Variants in PDLIM2 observed in about 807,000 individuals in gnomAD.
PDLIM2 encodes the protein PDZ and LIM domain protein 2.
In PDLIM2, 51 loss-of-function variants were observed where a neutral mutation model predicts 54.1. That is an observed-to-expected ratio of 0.94 (90% CI 0.75 to 1.19). The LOEUF is 1.19. Among genes scored for constraint, PDLIM2 ranks in the 50% most tolerant of loss-of-function variants. PDLIM2 has a pLI of 0.00. For missense variants in PDLIM2, 912 were observed against 874.0 expected (o/e 1.04, Z -0.55); for synonymous variants, 398 against 385.6 (o/e 1.03, Z -0.38).
downstream of PDLIM2, chr8:22,596,415 G>C (rs11136091): frequency 0.04 from 6,090 of 152,316 alleles, 185 homozygotes; most frequent in Non-Finnish European, 0.054. Flanking sequence ...CACACAATCA[G>C]CCCGGCTCGG....
chr8:22,589,872 A>G, intron 8 of PDLIM2, 131 bp downstream of exon 7: 1 of 1,308,106 alleles, frequency 7.6e-7, no homozygotes, highest in South Asian at 1.5e-5. Context: ...CACGGAGCCG[A>G]GCAGAGCGCG....
At position 22,591,535 on chromosome 8, in the gene PDLIM2, T is replaced by C. The variant is rs777262069; in HGVS notation, c.1514-16T>C. The stretch of plus-strand genomic sequence containing the variant: ...TTGGTGGGCTCTCACCACATGTCTG[T>C]CTGCCCTGCCCCCAGGTGGCACGCC... On this transcript the variant is annotated splice_polypyrimidine_tract_variant and intron_variant, in intron 8 of 9. Coordinates refer to ENST00000308354, the Ensembl canonical transcript of PDLIM2. The C allele has an allele frequency of 6.2e-7, 1 of 1,609,950 alleles. No individual in the cohort carries two copies. Among genetic ancestry groups the C allele is most frequent in the African/African-American group, 1.3e-5 (1 of 74,786 alleles).
intron 3 of PDLIM2, among the ~76,000 whole-genome samples, chr8:22,583,123 G>A (rs1383495513): frequency 1.3e-5 from 2 of 152,054 alleles, no homozygotes; most frequent in Non-Finnish European, 2.9e-5. Context: ...AAGATGGGAC[G>A]AGGCAGGCTG....
chr8:22,583,626 C>A (rs1353497885), intron 3 of PDLIM2, among the ~76,000 whole-genome samples: 2 of 151,890 alleles, frequency 1.3e-5, no homozygotes, highest in Non-Finnish European at 2.9e-5. Flanking sequence ...ATTAGCCGGG[C>A]ATGCTAGTGG....
exon 1 of PDLIM2, chr8:22,579,180 C>A: frequency 7.3e-7 from 1 of 1,368,130 alleles, no homozygotes; most frequent in Non-Finnish European, 9.4e-7. Flanking sequence ...GCCTTCCCTC[C>A]CTCCCGGGCC....
intron 8 of PDLIM2, chr8:22,590,982 AG>A: frequency 6.2e-6 from 1 of 160,342 alleles, no homozygotes; most frequent in Non-Finnish European, 1.4e-5. Context: ...GCAGAGGCAC[AG>A]GGGGTGGGGT....
downstream of PDLIM2, chr8:22,596,267 T>A (rs1184598216): frequency 2.0e-5 from 3 of 152,224 alleles, no homozygotes; most frequent in Non-Finnish European, 4.4e-5. Context: ...ATGATGGGCA[T>A]TCCAGTGAGG....
intron 2 of PDLIM2, 163 bp from the exon 2 acceptor site, chr8:22,581,216 G>T: frequency 1.1e-6 from 1 of 881,154 alleles, no homozygotes; most frequent in Non-Finnish European, 1.7e-6. Context: ...GCTCCTGGAG[G>T]GGATGGCTGA....
chr8:22,591,113 C>T (rs182884879), intron 8 of PDLIM2: 24 of 220,168 alleles, frequency 1.1e-4, no homozygotes, highest in African/African-American at 1.4e-4. Flanking sequence ...TAGCTGCAGA[C>T]GGGCGACAGC....
intron 2 of PDLIM2, chr8:22,581,156 C>A (rs1289456472): frequency 1.8e-5 from 12 of 660,872 alleles, no homozygotes; most frequent in Non-Finnish European, 3.3e-5. Flanking sequence ...ACTGCACATT[C>A]TTTGGGAGGC....
In PDLIM2 at chr8:22,589,870, C is replaced by A. The variant is rs546931469; in HGVS notation, c.1513+129C>A. The A allele has an allele frequency of 3.0e-5, 40 of 1,312,706 alleles. No homozygotes were observed. In the East Asian group the frequency reaches 5.6e-4, roughly 18 times the overall value. The allele number at this position is 1,312,706 out of a possible 1,614,324, so 81.3% of individuals were successfully genotyped here. ...CTCACCCCAGGACTAGGCACGGAGC[C>A]GAGCAGAGCGCGAAGCCCCAGCCCC... On this transcript the variant is annotated intron_variant, in intron 8 of 9. Coordinates refer to ENST00000308354, the Ensembl canonical transcript of PDLIM2.
intron 8 of PDLIM2, 89 bp downstream of exon 7, chr8:22,589,830 A>G: frequency 6.6e-7 from 1 of 1,504,864 alleles, no homozygotes; most frequent in Non-Finnish European, 9.0e-7. Flanking sequence ...AGTGTTCTTA[A>G]GTGCCTGTGA....
At chr8:22,582,695 A>C (rs11779638) in intron 3 of PDLIM2, among the ~76,000 whole-genome samples, 26,892 of 148,404 alleles carry the variant, frequency 0.18, 2,706 homozygotes, top group Middle Eastern at 0.28. Context: ...GAGTCTCCTG[A>C]CTCAGCCTCC....
In PDLIM2 at chr8:22,581,069, C is replaced by T. The variant is rs1411782166; in HGVS notation, c.844-310C>T. ...TTCACAGGAGGGCTGTGCAGGCAGC[C>T]ACCTGCAAGGTGCGATTTGCACGGG... On this transcript the variant is annotated intron_variant, in intron 2 of 9. Transcript: ENST00000308354. 1.0e-5 allele frequency: 7 copies of T among 669,848 alleles called. No homozygotes were observed. The East Asian group carries it at 2.1e-4, about 20-fold the overall frequency. The allele number at this position is 669,848 out of a possible 1,614,324, so 41.5% of individuals were successfully genotyped here.
At chr8:22,579,855 T>C in intron 1 of PDLIM2, 1 of 278,626 alleles carries the variant, frequency 3.6e-6, no homozygotes, top group East Asian at 6.0e-5. Context: ...GGGAGGCCTG[T>C]CACCCCGGCT....
At chr8:22,589,680 G>C (rs373823691) in exon 8 of PDLIM2, 2 of 1,575,960 alleles carry the variant, frequency 1.3e-6, no homozygotes, top group South Asian at 1.2e-5. Context: ...AGGGACGGGC[G>C]GCCCCCCGAC....
At chr8:22,593,663 GGCCCCCTGGGC>G (rs1800615503) in intron 9 of PDLIM2, 59 bp from the exon 9 acceptor site, 1 of 1,399,792 alleles carries the variant, frequency 7.1e-7, no homozygotes, top group Non-Finnish European at 9.7e-7. Flanking sequence ...GTGGGGACCA[GGCCCCCTGGGC>G]ATGGTGGCCT....
exon 10 of PDLIM2, chr8:22,593,900 C>A: frequency 1.9e-6 from 3 of 1,546,284 alleles, no homozygotes; most frequent in Non-Finnish European, 1.7e-6. Context: ...ACCCTCAGCT[C>A]TCGGGCCTGA....
exon 5 of PDLIM2, chr8:22,585,036 C>G (rs773855526): frequency 6.2e-7 from 1 of 1,613,902 alleles, no homozygotes; most frequent in Non-Finnish European, 8.5e-7. Flanking sequence ...AGGACATACA[C>G]TGAGAGTCAG....
Sources: gnomAD v4.1 joint callset for allele counts (sites outside exome capture counted in the v4.1 genomes callset) on GRCh38, gnomAD v4.1.1 for gene constraint, MANE v1.5 for transcripts, NCBI Gene and HGNC (gene_info 2026-07-23, HGNC 2026-07-21) for gene names.